Variants in ASPH observed in about 807,000 individuals in gnomAD.
The protein encoded by ASPH is aspartyl/asparaginyl beta-hydroxylase.
Under a neutral mutation model 118.4 loss-of-function variants are expected in ASPH, and 100 were observed. The ratio of observed to expected loss-of-function variants is 0.84; its 90% CI spans 0.72 to 1.00. ASPH has a LOEUF of 1.00. Ranked by LOEUF, ASPH falls within the 50% of genes least tolerant of loss-of-function variation. The pLI, the probability that ASPH is intolerant of heterozygous loss-of-function variation, is 0.00. For missense variants in ASPH, 920 were observed against 919.5 expected (o/e 1.00, Z -0.01); for synonymous variants, 315 against 325.6 (o/e 0.97, Z 0.35).
chr8:61,665,294 T>A lies in ASPH; in HGVS notation c.323-11634A>T, dbSNP rs779476062. ...GGTATTTCCCTTTGTTAAGTGTGCA[T>A]ATCTGGTAGAACTTCTACTTTCCTT... On this transcript the variant is annotated intron_variant, in intron 3 of 24. Coordinates refer to ENST00000379454, the MANE Select transcript of ASPH (RefSeq NM_004318.4). The A allele has an allele frequency of 3.7e-6, 6 of 1,612,592 alleles. No individual in the cohort carries two copies. The African/African-American group carries it at 5.4e-5, about 14-fold the overall frequency.
intron 18 of ASPH, among the ~76,000 whole-genome samples, chr8:61,561,520 T>A (rs1046221147): frequency 2.0e-5 from 3 of 152,236 alleles, no homozygotes; most frequent in African/African-American, 7.2e-5. Flanking sequence ...CACAATTCAA[T>A]GATTTTCATT....
At chr8:61,665,040 A>G in intron 3 of ASPH, 1 of 1,295,082 alleles carries the variant, frequency 7.7e-7, no homozygotes, top group Non-Finnish European at 9.8e-7. Context: ...ATTACATCAT[A>G]TTCTATGACA....
Position 61,612,514 on chromosome 8 carries a change from C to T in ASPH, c.976+6464G>A, listed in dbSNP as rs553208921. Among the ~76,000 whole-genome samples the T allele has an allele frequency of 8.5e-5, 13 of 152,056 alleles. No individual in the cohort carries two copies. The East Asian group carries it at 1.9e-3, about 23-fold the overall frequency. On this transcript the variant is annotated intron_variant, in intron 14 of 24. Transcript: ENST00000379454. ...TCAGCCTCCCAAGTAGCTGGGATTA[C>T]AGGCACACACCACCACCTGGCTAAT...
intron 14 of ASPH, among the ~76,000 whole-genome samples, chr8:61,595,483 A>G (rs566354963): frequency 6.6e-6 from 1 of 152,368 alleles, no homozygotes; most frequent in South Asian, 2.1e-4. Flanking sequence ...AAACAGAGGT[A>G]GTGAAAAATA....
intron 21 of ASPH, among the ~76,000 whole-genome samples, chr8:61,528,942 C>T (rs568942650): frequency 6.6e-6 from 1 of 152,310 alleles, no homozygotes; most frequent in Admixed American, 6.5e-5. Context: ...CTAACTAGTA[C>T]TACTAACTCA....
At position 61,637,983 on chromosome 8, in the gene ASPH, C is replaced by G; in HGVS notation, c.853G>C (p.Asp285His). The change falls in exon 12 of 25, where the codon GAT (aspartate) becomes CAT (histidine). Residue 285 changes from aspartate (D) to histidine (H), a missense_variant. Asp to His is a moderately conservative substitution (Grantham distance 81). Transcript: ENST00000379454. ...ACCTGTGAATCTTCTACAGGATTAT[C>G]CTCAGGGGGAGCAGTTACTTCTAAA... ...EITEVTAPPE[D>H]NPVEDSQVIV... is the part of the protein sequence containing the mutation. 6.2e-7 allele frequency: 1 copy of G among 1,609,840 alleles called. No homozygotes were observed. Among genetic ancestry groups the G allele is most frequent in the Non-Finnish European group, 8.5e-7 (1 of 1,178,462 alleles).
intron 1 of ASPH, among the ~76,000 whole-genome samples, chr8:61,685,854 T>A (rs552075341): frequency 3.4e-4 from 51 of 151,822 alleles, no homozygotes; most frequent in African/African-American, 1.2e-3. Context: ...ACTAGCATGA[T>A]CTCGGCTCGG....
chr8:61,561,144 AAGTT>A (rs200301605), intron 18 of ASPH, among the ~76,000 whole-genome samples: 1,592 of 138,344 alleles, frequency 0.012, 9 homozygotes, highest in Non-Finnish European at 0.016. Flanking sequence ...GGGAGGAAGG[AAGTT>A]AGGAATTCTA....
At chr8:61,524,991 G>T (rs979988756) in intron 22 of ASPH, among the ~76,000 whole-genome samples, 2 of 152,054 alleles carry the variant, frequency 1.3e-5, no homozygotes, top group Non-Finnish European at 2.9e-5. Context: ...AAAAATTCTT[G>T]TTGGCAAAAA....
intron 7 of ASPH, 110 bp from the exon 8 acceptor site, chr8:61,644,111 CATA>C (rs1806663460): frequency 2.4e-6 from 2 of 843,748 alleles, no homozygotes; most frequent in African/African-American, 3.4e-5. Flanking sequence ...AAAATCAAGT[CATA>C]ATGATATTCA....
At chr8:61,700,904 C>G (rs1223140449) in intron 1 of ASPH, among the ~76,000 whole-genome samples, 1 of 152,194 alleles carries the variant, frequency 6.6e-6, no homozygotes, top group Non-Finnish European at 1.5e-5. Context: ...TATAGTTACA[C>G]ATTTCTTTAT....
In ASPH at chr8:61,557,192, G is replaced by A. The variant is rs575248107; in HGVS notation, c.1438-1170C>T. On this transcript the variant is annotated intron_variant, in intron 18 of 24. Coordinates refer to ENST00000379454, the MANE Select transcript of ASPH (RefSeq NM_004318.4). ...CCTGACCCTGTGTAGTCCACTCTCCGCTTGCTAAATCCTAGGTCAGATCTC... is the reference window on the plus strand; with the variant it reads ...CCTGACCCTGTGTAGTCCACTCTCCACTTGCTAAATCCTAGGTCAGATCTC... 1.7e-4 allele frequency among the ~76,000 whole-genome samples: 26 copies of A among 152,128 alleles called. No individual in the cohort carries two copies. In the South Asian group the frequency reaches 1.9e-3, roughly 11 times the overall value.
chr8:61,698,992 A>G (rs1039339449), intron 1 of ASPH, among the ~76,000 whole-genome samples: 5 of 152,208 alleles, frequency 3.3e-5, no homozygotes, highest in African/African-American at 9.6e-5. Flanking sequence ...GATCCCAGGA[A>G]TGTTCTGCCT....
chr8:61,576,779 T>C lies in ASPH; in HGVS notation c.1142A>G (p.Lys381Arg). ...YPQSPRARYGKAQCEDDLAEK... is the reference protein window; with the variant it reads ...YPQSPRARYGRAQCEDDLAEK... Reference sequence around the variant, plus strand: ...AGAAGGGTCTCAGAATACCTGCGCCTTCCCATATCTTGCTCGTGGACTCTG... The same window carrying C: ...AGAAGGGTCTCAGAATACCTGCGCCCTCCCATATCTTGCTCGTGGACTCTG... Residue 381 changes from lysine to arginine, a missense_variant, in exon 16 of 25, where the codon AAG becomes AGG. Coordinates refer to ENST00000379454, the MANE Select transcript of ASPH (RefSeq NM_004318.4). The C allele has an allele frequency of 1.2e-6, 2 of 1,608,306 alleles. No individual in the cohort carries two copies. Among genetic ancestry groups the C allele is most frequent in the Non-Finnish European group, 1.7e-6 (2 of 1,176,648 alleles).
At position 61,664,144 on chromosome 8, in the gene ASPH, CA is replaced by C. The variant is rs1263142626; in HGVS notation, c.323-10485del. 4 of 964,538 alleles carry C rather than the reference CA, an allele frequency of 4.1e-6. No homozygotes were observed. The African/African-American group carries it at 7.1e-5, about 17-fold the overall frequency. The allele number at this position is 964,538 out of a possible 1,614,324, so 59.7% of individuals were successfully genotyped here. A position where few individuals can be genotyped will look rare whatever the true frequency, so the allele number is the denominator to read the frequency against. On this transcript the variant is annotated intron_variant, in intron 3 of 24. Transcript: ENST00000379454. The stretch of plus-strand genomic sequence containing the variant: ...AATTAGATATTTAATATTTGAGGCA[CA>C]GAATAGTACAAACCATTTGTAGAAT...
chr8:61,657,500 GTGTT>G (rs1814348773), intron 3 of ASPH: 1 of 152,180 alleles, frequency 6.6e-6, no homozygotes, highest in African/African-American at 2.4e-5. Flanking sequence ...GTAACACAAA[GTGTT>G]TGTGTATCTA....
At chr8:61,536,260 C>T (rs1339804909) in intron 21 of ASPH, among the ~76,000 whole-genome samples, 7 of 152,042 alleles carry the variant, frequency 4.6e-5, no homozygotes, top group Non-Finnish European at 1.0e-4. Flanking sequence ...AGGATGGTCT[C>T]GATCTCCTGA....
In ASPH at chr8:61,517,248, A is replaced by C; in HGVS notation, c.2126+280T>G. On this transcript the variant is annotated intron_variant, in intron 24 of 24. Coordinates refer to ENST00000379454, the MANE Select transcript of ASPH (RefSeq NM_004318.4). ...ATGCATGTTGGCTGACTCTGAATGCACATCTGTCTACCCAGAGAGAGAAAC... is the reference window on the plus strand; with the variant it reads ...ATGCATGTTGGCTGACTCTGAATGCCCATCTGTCTACCCAGAGAGAGAAAC... The C allele has an allele frequency of 1.1e-5, 4 of 359,922 alleles. No individual in the cohort carries two copies. In the South Asian group the frequency reaches 1.8e-4, roughly 16 times the overall value. 22.3% of individuals were successfully genotyped at this position (359,922 alleles called of 1,614,324 possible). A position where few individuals can be genotyped will look rare whatever the true frequency, so the allele number is the denominator to read the frequency against.
chr8:61,602,565 T>C (rs1189198666), intron 14 of ASPH, among the ~76,000 whole-genome samples: 2 of 151,412 alleles, frequency 1.3e-5, no homozygotes, highest in Admixed American at 1.3e-4. Flanking sequence ...TGTCCATGCA[T>C]AACTTCTTGG....
Sources: gnomAD v4.1 joint callset for allele counts (sites outside exome capture counted in the v4.1 genomes callset) on GRCh38, gnomAD v4.1.1 for gene constraint, MANE v1.5 for transcripts, NCBI Gene and HGNC (gene_info 2026-07-23, HGNC 2026-07-21) for gene names.